Variants in WDR76 observed in about 807,000 individuals in gnomAD.
WDR76 encodes WD repeat domain 76, also known as WD repeat-containing protein 76.
A neutral mutation model predicts 70.2 loss-of-function variants in WDR76; 52 were observed. That is an observed-to-expected ratio of 0.74 (90% CI 0.59 to 0.93). The LOEUF is 0.93. Ranked by LOEUF, WDR76 falls within the 40% of genes least tolerant of loss-of-function variation. The pLI is 0.00. For synonymous variants in WDR76, 292 were observed against 271.1 expected (o/e 1.08, Z -0.76); for missense variants, 756 against 760.2 (o/e 0.99, Z 0.07).
At chr15:43,844,569 G>A (rs189702325) in intron 8 of WDR76, among the ~76,000 whole-genome samples, 74 of 145,974 alleles carry the variant, frequency 5.1e-4, no homozygotes, top group African/African-American at 9.9e-4. Context: ...GGAGTGAGTC[G>A]ACACTGTGCC....
chr15:43,837,010 A>C (rs1044130140), intron 4 of WDR76, among the ~76,000 whole-genome samples: 23 of 151,338 alleles, frequency 1.5e-4, no homozygotes, highest in Non-Finnish European at 2.9e-4. Context: ...ATTGCACTCC[A>C]GCCTGGGCAA....
chr15:43,834,410 C>G (rs1176122877), intron 2 of WDR76, among the ~76,000 whole-genome samples: 5 of 149,290 alleles, frequency 3.3e-5, no homozygotes, highest in Non-Finnish European at 5.9e-5. Flanking sequence ...AAGCGATTTT[C>G]CTGCCCCGGC....
intron 8 of WDR76, among the ~76,000 whole-genome samples, chr15:43,849,102 G>A (rs1212927935): frequency 6.6e-6 from 1 of 151,218 alleles, no homozygotes; most frequent in Non-Finnish European, 1.5e-5. Context: ...TTGAACCTGG[G>A]AGGTGGAGGT....
At chr15:43,865,909 G>A (rs1230867103) in intron 12 of WDR76, among the ~76,000 whole-genome samples, 7 of 152,132 alleles carry the variant, frequency 4.6e-5, no homozygotes, top group African/African-American at 1.7e-4. Context: ...GGCTCCATAT[G>A]TTTTATTTTG....
chr15:43,839,368 C>T (rs573390713), intron 4 of WDR76, among the ~76,000 whole-genome samples: 15 of 152,230 alleles, frequency 9.9e-5, no homozygotes, highest in East Asian at 7.7e-4. Context: ...TTTATGGCTG[C>T]GTATTATTCT....
rs954880638 is a variant in WDR76 at position 43,835,326 on chromosome 15, C to T, written c.552+176C>T. 8.9e-5 allele frequency among the ~76,000 whole-genome samples: 11 copies of T among 124,238 alleles called. No individual in the cohort carries two copies. The Admixed American group carries it at 1.0e-3, about 12-fold the overall frequency. 81.5% of individuals were successfully genotyped at this position (124,238 alleles called of 152,430 possible). ...CGCCCCCCGCCCCCCACCCCAATCT[C>T]TATAAAAAGTAAATTAGTTGAGCAT... On this transcript the variant is annotated intron_variant, in intron 3 of 12. Coordinates refer to ENST00000263795, the MANE Select transcript of WDR76 (RefSeq NM_024908.4).
chr15:43,837,456 A>T (rs2087671027), intron 4 of WDR76, among the ~76,000 whole-genome samples: 1 of 152,176 alleles, frequency 6.6e-6, no homozygotes. Context: ...TTTCTTCCTA[A>T]ATCACAAAAT....
intron 11 of WDR76, among the ~76,000 whole-genome samples, chr15:43,860,017 G>A (rs556726629): frequency 1.3e-5 from 2 of 152,326 alleles, no homozygotes; most frequent in South Asian, 4.1e-4. Context: ...TCGGGAGGCT[G>A]AGGTGGGAGG....
intron 2 of WDR76, among the ~76,000 whole-genome samples, chr15:43,830,573 A>G (rs1012495481): frequency 1.3e-5 from 2 of 151,684 alleles, no homozygotes; most frequent in African/African-American, 4.8e-5. Flanking sequence ...AAAAAAAAAA[A>G]AAAAAAAAGA....
chr15:43,845,450 G>A (rs1288393588), intron 8 of WDR76, among the ~76,000 whole-genome samples: 1 of 150,018 alleles, frequency 6.7e-6, no homozygotes, highest in African/African-American at 2.4e-5. Flanking sequence ...TACCATATGA[G>A]GACACAGCTA....
rs2087822227 is a variant in WDR76 at position 43,848,944 on chromosome 15, T to G, written c.1033-2143T>G. On this transcript the variant is annotated intron_variant, in intron 8 of 12. Coordinates refer to ENST00000263795, the MANE Select transcript of WDR76 (RefSeq NM_024908.4). Reference sequence around the variant, plus strand: ...CAGAGTTGAGACTTTTTTTTTTTTTTTTTTGAGGCCAAAAAAACTGCATTT... The same window carrying G: ...CAGAGTTGAGACTTTTTTTTTTTTTGTTTTGAGGCCAAAAAAACTGCATTT... Among the ~76,000 whole-genome samples the G allele has an allele frequency of 2.0e-5, 3 of 150,904 alleles. No homozygotes were observed. The South Asian group carries it at 6.3e-4, about 32-fold the overall frequency.
chr15:43,848,693 C>T (rs1039194674), intron 8 of WDR76, among the ~76,000 whole-genome samples: 1 of 152,158 alleles, frequency 6.6e-6, no homozygotes, highest in African/African-American at 2.4e-5. Flanking sequence ...GTAATCCCAA[C>T]ACTTTGGGAG....
intron 9 of WDR76, among the ~76,000 whole-genome samples, chr15:43,856,244 T>C (rs2087925476): frequency 6.6e-6 from 1 of 152,182 alleles, no homozygotes; most frequent in Non-Finnish European, 1.5e-5. Flanking sequence ...GCAGCAGACA[T>C]TTTTATAGAT....
chr15:43,858,845 G>A (rs775643011), intron 11 of WDR76, 22 bp downstream of exon 11: 1 of 1,609,780 alleles, frequency 6.2e-7, no homozygotes, highest in Non-Finnish European at 8.5e-7. Context: ...AGGCAGAAAT[G>A]TTTTTAGGGA....
At position 43,828,000 on chromosome 15, in the gene WDR76, T is replaced by C; in HGVS notation, c.96T>C (p.Tyr32=). ...NEYKENQNIA[Y]VSLRPAQTTV... is the part of the protein sequence containing the mutation. ...ATAAAGAAAATCAAAACATCGCTTA[T>C]GTGTCTCTGAGACCAGCACAGACTA... Residue 32 remains tyrosine, a synonymous_variant, in exon 2 of 13, where the codon TAT becomes TAC. Transcript: ENST00000263795. The C allele has an allele frequency of 1.7e-5, 27 of 1,608,448 alleles. No individual in the cohort carries two copies. Among genetic ancestry groups the C allele is most frequent in the Non-Finnish European group, 2.3e-5 (27 of 1,178,694 alleles).
intron 2 of WDR76, among the ~76,000 whole-genome samples, chr15:43,833,363 G>T (rs1382944615): frequency 6.8e-6 from 1 of 146,686 alleles, no homozygotes; most frequent in Non-Finnish European, 1.5e-5. Flanking sequence ...CTGTTGCCCA[G>T]AGTGGAGTGC....
chr15:43,829,918 G>A (rs182951623), intron 2 of WDR76, among the ~76,000 whole-genome samples: 2 of 152,008 alleles, frequency 1.3e-5, no homozygotes, highest in East Asian at 3.9e-4. Context: ...TGGAGAGTTT[G>A]TTAAAACTCC....
chr15:43,835,186 G>A (rs1342357323), intron 3 of WDR76, 36 bp downstream of exon 3: 1 of 1,591,194 alleles, frequency 6.3e-7, no homozygotes, highest in Non-Finnish European at 8.6e-7. Context: ...AAGATGCAGG[G>A]CCGGGAACAG....
chr15:43,853,668 G>C (rs2140309318), intron 9 of WDR76, among the ~76,000 whole-genome samples: 1 of 152,228 alleles, frequency 6.6e-6, no homozygotes, highest in South Asian at 2.1e-4. Flanking sequence ...AACTTTGGGA[G>C]GCTGAGGCGG....
Sources: gnomAD v4.1 joint callset for allele counts (sites outside exome capture counted in the v4.1 genomes callset) on GRCh38, gnomAD v4.1.1 for gene constraint, MANE v1.5 for transcripts, NCBI Gene and HGNC (gene_info 2026-07-23, HGNC 2026-07-21) for gene names.